DIAPH3: variants seen among roughly 807,000 people sequenced by gnomAD.
The protein encoded by DIAPH3 is diaphanous related formin 3.
DIAPH3 carries 117 observed loss-of-function variants against 144.3 expected under a neutral mutation model. The observed-to-expected ratio is 0.81, with a 90% CI of 0.70 to 0.95. The LOEUF (loss-of-function observed/expected upper bound fraction) is 0.95, where lower values mean the gene tolerates loss of function less well. Ranked by LOEUF, DIAPH3 falls within the 40% of genes least tolerant of loss-of-function variation. The pLI is 0.00. For synonymous variants in DIAPH3, 519 were observed against 488.9 expected, an observed-to-expected ratio of 1.06 and a Z score of -0.81; for missense variants, 1,421 against 1,412.7, an observed-to-expected ratio of 1.01 and a Z score of -0.09.
intron 17 of DIAPH3, among the ~76,000 whole-genome samples, chr13:59,943,092 CAT>C (rs2048619303): frequency 6.6e-6 from 1 of 152,136 alleles, no homozygotes; most frequent in African/African-American, 2.4e-5. Context: ...TGAGAAAAGA[CAT>C]ATGATCAATT....
At chr13:59,926,557 A>G (rs2047763962) in intron 17 of DIAPH3, among the ~76,000 whole-genome samples, 1 of 152,112 alleles carries the variant, frequency 6.6e-6, no homozygotes, top group Non-Finnish European at 1.5e-5. Context: ...TAATTTCTTC[A>G]TAACATATTG....
At chr13:59,827,783 C>G (rs2041529943) in intron 24 of DIAPH3, among the ~76,000 whole-genome samples, 1 of 151,894 alleles carries the variant, frequency 6.6e-6, no homozygotes, top group Non-Finnish European at 1.5e-5. Flanking sequence ...GGGAACCGTA[C>G]ATACATTATG....
intron 9 of DIAPH3, among the ~76,000 whole-genome samples, chr13:60,002,391 G>C (rs967384391): frequency 6.6e-6 from 1 of 152,064 alleles, no homozygotes; most frequent in Non-Finnish European, 1.5e-5. Context: ...TATGCTCAAG[G>C]TTTCTCTCCT....
At chr13:59,903,724 A>C (rs528748282) in intron 20 of DIAPH3, among the ~76,000 whole-genome samples, 2 of 152,242 alleles carry the variant, frequency 1.3e-5, no homozygotes, top group African/African-American at 4.8e-5. Flanking sequence ...TTTTTAACAA[A>C]AAAATCAAAA....
intron 4 of DIAPH3, among the ~76,000 whole-genome samples, chr13:60,072,282 G>A (rs1173112954): frequency 1.3e-5 from 2 of 152,148 alleles, no homozygotes; most frequent in African/African-American, 2.4e-5. Flanking sequence ...TATAGATGTA[G>A]ATATGCTTGT....
Position 60,050,434 on chromosome 13 carries a change from A to C in DIAPH3, c.496-7614T>G, listed in dbSNP as rs200993728. ...CAGGGCTCCGATCCTCTAGGCAGGCAGCTGAAAAACTACAGCCTGAGTGTC... is the reference window on the plus strand; with the variant it reads ...CAGGGCTCCGATCCTCTAGGCAGGCCGCTGAAAAACTACAGCCTGAGTGTC... On this transcript the variant is annotated intron_variant, in intron 4 of 27. Coordinates refer to ENST00000400324, the MANE Select transcript of DIAPH3 (RefSeq NM_001042517.2). Among the ~76,000 whole-genome samples the C allele has an allele frequency of 2.6e-5, 4 of 152,330 alleles. No individual in the cohort carries two copies. The East Asian group carries it at 7.7e-4, about 29-fold the overall frequency.
At chr13:59,936,523 G>C (rs953845946) in intron 17 of DIAPH3, among the ~76,000 whole-genome samples, 1 of 152,102 alleles carries the variant, frequency 6.6e-6, no homozygotes, top group African/African-American at 2.4e-5. Flanking sequence ...GTGGATTAGG[G>C]AGAAAAATAA....
chr13:60,052,959 T>TAAAAAAAAAAAAAAAAAAAA (rs559991017), intron 4 of DIAPH3, among the ~76,000 whole-genome samples: 16 of 40,628 alleles, frequency 3.9e-4, no homozygotes, highest in African/African-American at 8.7e-4. Context: ...GACTCCCTCT[T>TAAAAAAAAAAAAAAAAAAAA]AAAAAAAAAA....
chr13:59,992,027 T>G, intron 11 of DIAPH3, 41 bp downstream of exon 11: 1 of 1,527,688 alleles, frequency 6.5e-7, no homozygotes, highest in South Asian at 1.1e-5. Context: ...TTAGCAATAA[T>G]TTTATATATG....
chr13:59,764,994 C>A (rs954014792), intron 27 of DIAPH3, among the ~76,000 whole-genome samples: 2 of 151,954 alleles, frequency 1.3e-5, no homozygotes, highest in African/African-American at 4.8e-5. Flanking sequence ...ATTGTTGTTC[C>A]AGATTAAAGA....
chr13:59,977,755 G>A (rs930693649), intron 14 of DIAPH3, among the ~76,000 whole-genome samples: 3 of 151,722 alleles, frequency 2.0e-5, no homozygotes, highest in Admixed American at 6.6e-5. Context: ...TATCTAAGAT[G>A]ACTACAGGGT....
chr13:60,015,339 A>G (rs2053565387), intron 7 of DIAPH3, among the ~76,000 whole-genome samples: 1 of 151,978 alleles, frequency 6.6e-6, no homozygotes. Flanking sequence ...ATTCCTCCAT[A>G]TTACGTTTAT....
At chr13:60,123,278 T>C (rs1459420090) in intron 2 of DIAPH3, among the ~76,000 whole-genome samples, 1 of 152,188 alleles carries the variant, frequency 6.6e-6, no homozygotes, top group Non-Finnish European at 1.5e-5. Context: ...TACATCCATT[T>C]CTCTACTGCA....
chr13:59,769,338 C>T (rs1232129543), intron 27 of DIAPH3, among the ~76,000 whole-genome samples: 1 of 152,146 alleles, frequency 6.6e-6, no homozygotes, highest in African/African-American at 2.4e-5. Flanking sequence ...GTTGTATAGG[C>T]TCCACTACTG....
chr13:60,007,725 A>G (rs2052971982), intron 9 of DIAPH3, among the ~76,000 whole-genome samples: 1 of 152,150 alleles, frequency 6.6e-6, no homozygotes, highest in Non-Finnish European at 1.5e-5. Context: ...TTTTTTTAAA[A>G]AAAGAAAGAG....
chr13:59,970,732 T>C (rs2050317739), intron 16 of DIAPH3, 120 bp downstream of exon 16: 3 of 889,722 alleles, frequency 3.4e-6, no homozygotes, highest in East Asian at 5.6e-5. Context: ...TTAGAAATTA[T>C]GTATATATAA....
At chr13:59,974,856 T>C (rs998452784) in intron 14 of DIAPH3, among the ~76,000 whole-genome samples, 2 of 152,134 alleles carry the variant, frequency 1.3e-5, no homozygotes, top group African/African-American at 4.8e-5. Flanking sequence ...TTGAAACTTA[T>C]CTGAAGTATA....
intron 1 of DIAPH3, among the ~76,000 whole-genome samples, chr13:60,139,540 C>T (rs1174703224): frequency 6.6e-6 from 1 of 152,096 alleles, no homozygotes; most frequent in Non-Finnish European, 1.5e-5. Flanking sequence ...GAGAGATCAG[C>T]GTTAAGGAGA....
At chr13:59,950,393 T>C (rs2049037682) in intron 17 of DIAPH3, among the ~76,000 whole-genome samples, 1 of 152,156 alleles carries the variant, frequency 6.6e-6, no homozygotes, top group African/African-American at 2.4e-5. Flanking sequence ...TCTCCTTATT[T>C]GTACGTTCAC....
Sources: gnomAD v4.1 joint callset for allele counts (sites outside exome capture counted in the v4.1 genomes callset) on GRCh38, gnomAD v4.1.1 for gene constraint, MANE v1.5 for transcripts, NCBI Gene and HGNC (gene_info 2026-07-23, HGNC 2026-07-21) for gene names.